Variants in PADI4 observed in about 807,000 individuals in gnomAD.
PADI4 encodes peptidyl arginine deiminase 4.
In PADI4, 62 loss-of-function variants were observed where a neutral mutation model predicts 75.0. The observed-to-expected ratio is 0.83, with a 90% CI of 0.67 to 1.02. PADI4 has a LOEUF of 1.02. Among genes scored for constraint, PADI4 ranks in the 50% least tolerant of loss-of-function variants. PADI4 has a pLI of 0.00. For synonymous variants in PADI4, 361 were observed against 348.1 expected, an observed-to-expected ratio of 1.04 and a Z score of -0.41; for missense variants, 845 against 850.5, an observed-to-expected ratio of 0.99 and a Z score of 0.08.
chr1:17,344,928 G>C (rs1182598433), intron 8 of PADI4, among the ~76,000 whole-genome samples: 1 of 152,232 alleles, frequency 6.6e-6, no homozygotes, highest in Non-Finnish European at 1.5e-5. Flanking sequence ...GTTGTGAGAA[G>C]AGGGCCACTG....
intron 2 of PADI4, among the ~76,000 whole-genome samples, chr1:17,333,358 G>A (rs147048793): frequency 2.0e-4 from 31 of 152,038 alleles, no homozygotes; most frequent in African/African-American, 6.3e-4. Flanking sequence ...ACTCCCCACC[G>A]CCATTTTGCT....
At chr1:17,318,935 G>T (rs1197389653) in intron 1 of PADI4, among the ~76,000 whole-genome samples, 1 of 151,896 alleles carries the variant, frequency 6.6e-6, no homozygotes, top group Non-Finnish European at 1.5e-5. Flanking sequence ...TGATCCACCC[G>T]CCTCGGCCTC....
intron 1 of PADI4, among the ~76,000 whole-genome samples, chr1:17,312,271 A>G (rs1422038913): frequency 1.3e-5 from 2 of 151,876 alleles, no homozygotes; most frequent in African/African-American, 4.8e-5. Context: ...ACCAGCCTGG[A>G]CAACATGGTG....
Position 17,331,049 on chromosome 1 carries a change from C to T in PADI4, c.173C>T (p.Ala58Val), listed in dbSNP as rs780521824. Residue 58 changes from alanine to valine, a missense_variant, in exon 2 of 16, where the codon GCC becomes GTC. By Grantham distance (64) the Ala-to-Val change is moderately conservative (BLOSUM62 0). Coordinates refer to ENST00000375448, the MANE Select transcript of PADI4 (RefSeq NM_012387.3). ...VVVDIAHGPP[A>V]KKKSTGSSTW... is the part of the protein sequence containing the mutation. ...GTGGATATTGCCCACGGCCCTCCAG[C>T]CAAGAAGAAATCCACAGGTTCCTCC... 9 of 1,610,350 alleles carry T rather than the reference C, an allele frequency of 5.6e-6. No individual in the cohort carries two copies. Among genetic ancestry groups the T allele is most frequent in the Non-Finnish European group, 7.6e-6 (9 of 1,178,350 alleles).
chr1:17,325,930 C>T (rs888607094), intron 1 of PADI4, among the ~76,000 whole-genome samples: 1 of 152,092 alleles, frequency 6.6e-6, no homozygotes, highest in African/African-American at 2.4e-5. Flanking sequence ...TCTCCAACTC[C>T]CGACCTCATG....
At chr1:17,312,850 A>G (rs1214693079) in intron 1 of PADI4, among the ~76,000 whole-genome samples, 3 of 146,420 alleles carry the variant, frequency 2.0e-5, no homozygotes, top group Non-Finnish European at 4.5e-5. Context: ...TGAGGGAGAT[A>G]TGTAGCTTTT....
rs1382597368 is a variant in PADI4 at position 17,355,783 on chromosome 1, C to T, written c.1311-200C>T. ...TTCTACTTACCTTAGTGACTCTGTGCCTCAGTTTCCCCCAATAAAACTAGA... is the reference window on the plus strand; with the variant it reads ...TTCTACTTACCTTAGTGACTCTGTGTCTCAGTTTCCCCCAATAAAACTAGA... On this transcript the variant is annotated intron_variant, in intron 11 of 15. Transcript: ENST00000375448. Among the ~76,000 whole-genome samples the T allele has an allele frequency of 6.6e-5, 10 of 152,182 alleles. No homozygotes were observed. In the East Asian group the frequency reaches 1.9e-3, roughly 29 times the overall value.
rs201711957 is a variant in PADI4 at position 17,358,917 on chromosome 1, C to T, written c.1629+9C>T. 3 of 1,592,880 alleles carry T rather than the reference C, an allele frequency of 1.9e-6. No homozygotes were observed. Among genetic ancestry groups the T allele is most frequent in the East Asian group, 4.5e-5 (2 of 44,576 alleles). On this transcript the variant is annotated intron_variant, in intron 14 of 15. Coordinates refer to ENST00000375448, the MANE Select transcript of PADI4 (RefSeq NM_012387.3). ...ATAATTCATTTGTGGAGGTAGGAGC[C>T]TGGGTGCCTACACCCCAGCAGACCT...
chr1:17,339,767 C>A lies in PADI4; in HGVS notation c.606C>A (p.His202Gln). The stretch of plus-strand genomic sequence containing the variant: ...TCACAAACCATACACTGGTGCTCCA[C>A]GTGGCCAGGTCTGAGATGGACAAAG... ...DFFTNHTLVL[H>Q]VARSEMDKVR... The change falls in exon 6 of 16, where the codon CAC becomes CAA. Residue 202 changes from histidine to glutamine, a missense_variant. Transcript: ENST00000375448. The A allele has an allele frequency of 2.5e-6, 4 of 1,613,816 alleles. No individual in the cohort carries two copies. Among genetic ancestry groups the A allele is most frequent in the East Asian group, 2.2e-5 (1 of 44,870 alleles).
chr1:17,326,960 G>A (rs1168846205), intron 1 of PADI4, among the ~76,000 whole-genome samples: 1 of 145,990 alleles, frequency 6.8e-6, no homozygotes, highest in African/African-American at 2.5e-5. Context: ...ACCCAGGCTG[G>A]GGTACAGTGG....
At position 17,358,880 on chromosome 1, in the gene PADI4, C is replaced by T. The variant is rs1473370313; in HGVS notation, c.1601C>T (p.Thr534Ile). The T allele has an allele frequency of 6.2e-7, 1 of 1,608,254 alleles. No individual in the cohort carries two copies. Among genetic ancestry groups the T allele is most frequent in the Admixed American group, 1.7e-5 (1 of 59,468 alleles). ...QKIKNILSNK[T>I]LREHNSFVER... Reference sequence around the variant, plus strand: ...ATAAAGAACATTCTGTCAAACAAGACATTGAGAGAACATAATTCATTTGTG... The same window carrying T: ...ATAAAGAACATTCTGTCAAACAAGATATTGAGAGAACATAATTCATTTGTG... Residue 534 changes from threonine (T) to isoleucine (I), a missense_variant, in exon 14 of 16, where the codon ACA becomes ATA. Physicochemically the swap from Thr to Ile is moderately conservative, Grantham distance 89. Transcript: ENST00000375448.
At chr1:17,317,083 C>G (rs1452021719) in intron 1 of PADI4, among the ~76,000 whole-genome samples, 1 of 152,168 alleles carries the variant, frequency 6.6e-6, no homozygotes, top group South Asian at 2.1e-4. Context: ...GTACGTATGT[C>G]GCAGAGTTGT....
At chr1:17,324,149 TTTTTTG>T (rs1368817886) in intron 1 of PADI4, among the ~76,000 whole-genome samples, 2 of 142,224 alleles carry the variant, frequency 1.4e-5, no homozygotes, top group Non-Finnish European at 3.0e-5. Context: ...AAGTTGGGTT[TTTTTTG>T]TTTTTTTTTT....
At chr1:17,334,568 G>A in intron 3 of PADI4, 1 of 455,730 alleles carries the variant, frequency 2.2e-6, no homozygotes. Flanking sequence ...CTCCCAAAGT[G>A]CTCGGATTAC....
At chr1:17,334,572 G>A (rs960880048) in intron 3 of PADI4, 4 of 455,476 alleles carry the variant, frequency 8.8e-6, no homozygotes, top group South Asian at 1.6e-5. Context: ...CAAAGTGCTC[G>A]GATTACTGGC....
intron 1 of PADI4, among the ~76,000 whole-genome samples, chr1:17,313,498 C>CAAAAAAAAAA (rs71014933): frequency 1.5e-5 from 1 of 68,392 alleles, no homozygotes; most frequent in Non-Finnish European, 2.5e-5. Context: ...AAGACCTTGT[C>CAAAAAAAAAA]AAAAAAAAAA....
chr1:17,338,313 G>A (rs573071863), intron 5 of PADI4, among the ~76,000 whole-genome samples, 158 bp downstream of exon 5: 12 of 152,274 alleles, frequency 7.9e-5, no homozygotes, highest in Admixed American at 3.9e-4. Context: ...AAAGGCCCTC[G>A]GGGGTCAAGT....
chr1:17,362,281 A>G (rs1447840406), intron 15 of PADI4, among the ~76,000 whole-genome samples: 1 of 144,578 alleles, frequency 6.9e-6, no homozygotes, highest in African/African-American at 2.6e-5. Context: ...TGAGCCCAGG[A>G]GGTGGACACT....
intron 15 of PADI4, 104 bp downstream of exon 15, chr1:17,359,512 C>T (rs571423065): frequency 2.4e-5 from 36 of 1,488,056 alleles, no homozygotes; most frequent in Middle Eastern, 4.0e-4. Flanking sequence ...TGGCTCCTCT[C>T]TGTAACCGTT....
Sources: gnomAD v4.1 joint callset for allele counts (sites outside exome capture counted in the v4.1 genomes callset) on GRCh38, gnomAD v4.1.1 for gene constraint, MANE v1.5 for transcripts, NCBI Gene and HGNC (gene_info 2026-07-23, HGNC 2026-07-21) for gene names.